Variants in BACH2 observed in about 807,000 individuals in gnomAD.
BACH2 encodes the protein transcription regulator protein BACH2.
A neutral mutation model predicts 61.8 loss-of-function variants in BACH2; 5 were observed. The ratio of observed to expected loss-of-function variants is 0.08; its 90% CI spans 0.04 to 0.17. BACH2 has a LOEUF of 0.17. BACH2 is among the 10% of genes least tolerant of loss of function. The pLI is 1.00. For synonymous variants in BACH2, 446 were observed against 440.1 expected, an observed-to-expected ratio of 1.01 and a Z score of -0.17; for missense variants, 824 against 1,091.1, an observed-to-expected ratio of 0.76 and a Z score of 3.45.
intron 6 of BACH2, among the ~76,000 whole-genome samples, chr6:89,965,070 A>G (rs1194710105): frequency 6.6e-6 from 1 of 152,046 alleles, no homozygotes; most frequent in Non-Finnish European, 1.5e-5. Flanking sequence ...TATTTTTAGT[A>G]GAGAAGGGGT....
chr6:90,242,881 A>T (rs979012878), intron 3 of BACH2, among the ~76,000 whole-genome samples: 3 of 150,966 alleles, frequency 2.0e-5, no homozygotes, highest in Non-Finnish European at 4.4e-5. Flanking sequence ...AAATTATCTG[A>T]TTTCTTTTTT....
intron 8 of BACH2, among the ~76,000 whole-genome samples, chr6:89,934,207 A>T (rs961460857): frequency 2.0e-5 from 3 of 152,180 alleles, no homozygotes; most frequent in Admixed American, 2.0e-4. Context: ...AGAAGTAAGG[A>T]TGGAGCCTGA....
At chr6:90,159,281 A>C (rs1785106920) in intron 4 of BACH2, among the ~76,000 whole-genome samples, 2 of 152,244 alleles carry the variant, frequency 1.3e-5, no homozygotes, top group South Asian at 4.1e-4. Context: ...CAGAACAATT[A>C]ACACATGTGG....
At chr6:90,027,787 G>T (rs1350369248) in intron 5 of BACH2, among the ~76,000 whole-genome samples, 2 of 152,112 alleles carry the variant, frequency 1.3e-5, no homozygotes, top group Non-Finnish European at 2.9e-5. Flanking sequence ...CTTATGTGAG[G>T]ATTAAACGAG....
chr6:89,936,300 C>T (rs1773017436), intron 8 of BACH2, among the ~76,000 whole-genome samples: 1 of 152,162 alleles, frequency 6.6e-6, no homozygotes, highest in Non-Finnish European at 1.5e-5. Flanking sequence ...AGAGGTGATG[C>T]ATAACCTGAC....
intron 3 of BACH2, among the ~76,000 whole-genome samples, chr6:90,243,549 T>C (rs1356640552): frequency 2.0e-5 from 3 of 152,342 alleles, no homozygotes; most frequent in East Asian, 3.9e-4. Flanking sequence ...CAGTTTTCCA[T>C]TGGAACATTC....
intron 4 of BACH2, among the ~76,000 whole-genome samples, chr6:90,169,811 A>G (rs930917342): frequency 6.6e-6 from 1 of 152,186 alleles, no homozygotes; most frequent in Non-Finnish European, 1.5e-5. Context: ...ACCTTCACCA[A>G]TTGGGACTTT....
At chr6:90,056,224 C>A (rs1395849958) in intron 5 of BACH2, among the ~76,000 whole-genome samples, 1 of 152,174 alleles carries the variant, frequency 6.6e-6, no homozygotes, top group Non-Finnish European at 1.5e-5. Context: ...ATTCAGGAAA[C>A]CCATCTCACG....
intron 6 of BACH2, among the ~76,000 whole-genome samples, chr6:90,005,702 A>C (rs1266355170): frequency 1.3e-5 from 2 of 152,246 alleles, no homozygotes; most frequent in African/African-American, 4.8e-5. Flanking sequence ...AGAGCCTCAA[A>C]AGAAAATGCC....
chr6:90,000,458 T>G (rs1315379259), intron 6 of BACH2, among the ~76,000 whole-genome samples: 1 of 152,268 alleles, frequency 6.6e-6, no homozygotes, highest in Non-Finnish European at 1.5e-5. Flanking sequence ...ACCACAGCTT[T>G]TAATGAGGAT....
chr6:90,071,507 G>A (rs549152878), intron 5 of BACH2, among the ~76,000 whole-genome samples: 3 of 152,306 alleles, frequency 2.0e-5, no homozygotes, highest in Non-Finnish European at 2.9e-5. Flanking sequence ...CCAGGCAGAT[G>A]GAAAAGATTT....
rs1455564247 is a variant in BACH2 at position 90,095,778 on chromosome 6, C to CA, written c.-161-6670_-161-6669insT. On this transcript the variant is annotated intron_variant, in intron 4 of 8. Coordinates refer to ENST00000257749, the MANE Select transcript of BACH2 (RefSeq NM_021813.4). The stretch of plus-strand genomic sequence containing the variant: ...CCATCACCATCATCATCATCATCAT[C>CA]TCCACCACCACCACCACTGCCGCCT... 7.8e-5 allele frequency among the ~76,000 whole-genome samples: 10 copies of CA among 127,552 alleles called. No individual in the cohort carries two copies. The East Asian group carries it at 3.9e-3, about 50-fold the overall frequency. The allele number at this position is 127,552 out of a possible 152,430, so 83.7% of individuals were successfully genotyped here.
chr6:90,064,782 G>A (rs1780859674), intron 5 of BACH2, among the ~76,000 whole-genome samples: 2 of 152,196 alleles, frequency 1.3e-5, no homozygotes, highest in South Asian at 2.1e-4. Flanking sequence ...ATTGATGTTT[G>A]ACTGTGTGCT....
chr6:90,120,114 C>A (rs550739989), intron 4 of BACH2, among the ~76,000 whole-genome samples: 1 of 150,836 alleles, frequency 6.6e-6, no homozygotes, highest in South Asian at 2.1e-4. Context: ...CATCAATGAA[C>A]AAGACAGACA....
At chr6:90,285,754 G>C in intron 1 of BACH2, among the ~76,000 whole-genome samples, 1 of 152,148 alleles carries the variant, frequency 6.6e-6, no homozygotes, top group East Asian at 1.9e-4. Context: ...AGCTCTCCAA[G>C]GGCGGTGCTG....
intron 4 of BACH2, among the ~76,000 whole-genome samples, chr6:90,144,366 CAG>C (rs1784553117): frequency 6.6e-6 from 1 of 151,434 alleles, no homozygotes; most frequent in South Asian, 2.1e-4. Flanking sequence ...GAGGGAAAAA[CAG>C]AGGGAAGGAG....
chr6:90,271,843 C>A lies in BACH2; in HGVS notation c.-353+6G>T, dbSNP rs1771534620. The A allele has an allele frequency of 6.6e-6, 1 of 152,332 alleles. No individual in the cohort carries two copies. 9.4% of individuals were successfully genotyped at this position (152,332 alleles called of 1,614,324 possible). A position where few individuals can be genotyped will look rare whatever the true frequency, so the allele number is the denominator to read the frequency against. The stretch of plus-strand genomic sequence containing the variant: ...AACAAAGACCAAGCTGAGGTCCTTG[C>A]CTCACCTGCTGTGCTTCAAGGGCTC... On this transcript the variant is annotated splice_donor_region_variant and intron_variant, in intron 2 of 8. Transcript: ENST00000257749.
At chr6:90,157,583 G>A (rs1785037483) in intron 4 of BACH2, among the ~76,000 whole-genome samples, 3 of 152,148 alleles carry the variant, frequency 2.0e-5, no homozygotes, top group Non-Finnish European at 2.9e-5. Flanking sequence ...CTATTTTGTA[G>A]GTTCCAGGGA....
chr6:90,270,592 G>A (rs1771487050), intron 2 of BACH2, among the ~76,000 whole-genome samples: 1 of 152,078 alleles, frequency 6.6e-6, no homozygotes, highest in Non-Finnish European at 1.5e-5. Context: ...ACAAACAAAT[G>A]GAAACATATT....
Sources: allele counts gnomAD v4.1 joint callset (sites outside exome capture counted in the v4.1 genomes callset), GRCh38; gene constraint gnomAD v4.1.1; transcripts MANE v1.5; gene names NCBI Gene and HGNC (gene_info 2026-07-23, HGNC 2026-07-21).